TMEM65: variants seen among roughly 807,000 people sequenced by gnomAD.
The protein encoded by TMEM65 is transmembrane protein 65.
TMEM65 carries 22 observed loss-of-function variants against 25.4 expected under a neutral mutation model. The ratio of observed to expected loss-of-function variants is 0.86; its 90% CI spans 0.62 to 1.23. TMEM65 has a LOEUF of 1.23. Among genes scored for constraint, TMEM65 ranks in the 50% most tolerant of loss-of-function variants. TMEM65 has a pLI of 0.00. For missense variants in TMEM65, 262 were observed against 308.2 expected, an observed-to-expected ratio of 0.85 and a Z score of 1.12; for synonymous variants, 132 against 126.2, an observed-to-expected ratio of 1.05 and a Z score of -0.31.
Position 124,320,210 on chromosome 8 carries a change from A to G in TMEM65, c.516-19T>C. The G allele has an allele frequency of 6.4e-7, 1 of 1,565,380 alleles. No homozygotes were observed. Among genetic ancestry groups the G allele is most frequent in the Non-Finnish European group, 8.8e-7 (1 of 1,137,774 alleles). ...TGCAAGTCTTTGAAGAAACAAGACA[A>G]TATGATATATAGGTTATGTTTCAAT... On this transcript the variant is annotated intron_variant, in intron 5 of 6. Coordinates refer to ENST00000297632, the MANE Select transcript of TMEM65 (RefSeq NM_194291.3).
At chr8:124,333,455 CTG>C (rs1276237470) in intron 1 of TMEM65, among the ~76,000 whole-genome samples, 24 of 124,834 alleles carry the variant, frequency 1.9e-4, no homozygotes, top group African/African-American at 4.8e-4. Context: ...TTCTTTCCAT[CTG>C]TGTGTGTGTG....
chr8:124,315,305 T>C (rs1814219849), intron 6 of TMEM65, among the ~76,000 whole-genome samples: 1 of 128,644 alleles, frequency 7.8e-6, no homozygotes, highest in African/African-American at 2.9e-5. Context: ...TTAGCTATCA[T>C]ATCCTACAGT....
chr8:124,359,704 T>C (rs1027444691), intron 1 of TMEM65, among the ~76,000 whole-genome samples: 5 of 151,312 alleles, frequency 3.3e-5, no homozygotes, highest in Non-Finnish European at 7.4e-5. Context: ...ATCACACCAC[T>C]GCACTACAGT....
chr8:124,329,296 A>T (rs1814404081), intron 2 of TMEM65, among the ~76,000 whole-genome samples: 1 of 152,040 alleles, frequency 6.6e-6, no homozygotes, highest in Non-Finnish European at 1.5e-5. Context: ...GAACCAATAC[A>T]CATTACAAAT....
At chr8:124,366,724 A>ACTTT (rs78870933) in intron 1 of TMEM65, among the ~76,000 whole-genome samples, 96 of 34,762 alleles carry the variant, frequency 2.8e-3, no homozygotes, top group East Asian at 0.02. Context: ...GAAAAAAAAA[A>ACTTT]ACTTTACTTG....
intron 1 of TMEM65, among the ~76,000 whole-genome samples, chr8:124,344,344 A>AT (rs975666963): frequency 6.6e-6 from 1 of 152,116 alleles, no homozygotes; most frequent in African/African-American, 2.4e-5. Flanking sequence ...TTTTATTTTT[A>AT]TTTTTTCTGG....
intron 1 of TMEM65, 47 bp from the exon 2 acceptor site, chr8:124,330,839 G>A (rs760480494): frequency 8.0e-6 from 12 of 1,498,880 alleles, no homozygotes; most frequent in African/African-American, 4.4e-5. Flanking sequence ...TTACTACAGC[G>A]TGATATTTTT....
chr8:124,318,380 T>TG (rs1814265369), intron 6 of TMEM65, among the ~76,000 whole-genome samples: 2 of 128,530 alleles, frequency 1.6e-5, no homozygotes, highest in African/African-American at 6.1e-5. Flanking sequence ...TTTTTTTTTT[T>TG]TTTTTTTTTT....
In TMEM65 at chr8:124,310,470, T is replaced by C. The variant is rs1037856657; in HGVS notation, c.*3490A>G. On this transcript the variant is annotated 3_prime_UTR_variant, in exon 7 of 7. Coordinates refer to ENST00000297632, the MANE Select transcript of TMEM65 (RefSeq NM_194291.3). Reference sequence around the variant, plus strand: ...GCAGTTAAGAAGACAGGCTTCATACTTGGACAAAATAGGATTCCAGTCCAC... The same window carrying C: ...GCAGTTAAGAAGACAGGCTTCATACCTGGACAAAATAGGATTCCAGTCCAC... 1.3e-5 allele frequency: 2 copies of C among 152,174 alleles called. No individual in the cohort carries two copies. The highest frequency in any genetic ancestry group is 4.8e-5 in the African/African-American group (2 of 41,444). The allele number at this position is 152,174 out of a possible 1,614,324, so 9.4% of individuals were successfully genotyped here. A position where few individuals can be genotyped will look rare whatever the true frequency, so the allele number is the denominator to read the frequency against.
chr8:124,332,104 C>T (rs1036289959), intron 1 of TMEM65, among the ~76,000 whole-genome samples: 1 of 151,992 alleles, frequency 6.6e-6, no homozygotes, highest in African/African-American at 2.4e-5. Context: ...AATTTCACAT[C>T]TGATTAAAAT....
chr8:124,323,433 T>A, intron 3 of TMEM65, 58 bp from the exon 4 acceptor site: 1 of 942,106 alleles, frequency 1.1e-6, no homozygotes, highest in Middle Eastern at 2.2e-4. Flanking sequence ...TATAAAAGAA[T>A]AGCAAAGCAT....
chr8:124,350,119 AGTGTGTGTGTGT>A (rs71866914), intron 1 of TMEM65, among the ~76,000 whole-genome samples: 102 of 148,232 alleles, frequency 6.9e-4, no homozygotes, highest in African/African-American at 1.7e-3. Flanking sequence ...CTAATACATC[AGTGTGTGTGTGT>A]GTGTGTGTGT....
chr8:124,370,717 A>G (rs1267775694), intron 1 of TMEM65, among the ~76,000 whole-genome samples: 1 of 152,366 alleles, frequency 6.6e-6, no homozygotes, highest in South Asian at 2.1e-4. Flanking sequence ...CATGAGGTAG[A>G]TAATTCTTTC....
At position 124,372,267 on chromosome 8, in the gene TMEM65, C is replaced by T; in HGVS notation, c.-110G>A. 9.4e-7 allele frequency: 1 copy of T among 1,065,238 alleles called. No individual in the cohort carries two copies. Among genetic ancestry groups the T allele is most frequent in the Non-Finnish European group, 1.2e-6 (1 of 864,726 alleles). The allele number at this position is 1,065,238 out of a possible 1,614,324, so 66.0% of individuals were successfully genotyped here. ...TCGACCCCGCCCCGAGGTCCTCCTG[C>T]CAGGCAGCCGAGGCGCCGGGCACCA... On this transcript the variant is annotated 5_prime_UTR_variant, in exon 1 of 7. It introduces an in-frame stop codon into an upstream open reading frame of the 5' UTR. Transcript: ENST00000297632.
At chr8:124,316,509 A>G (rs1231059559) in intron 6 of TMEM65, among the ~76,000 whole-genome samples, 1 of 152,158 alleles carries the variant, frequency 6.6e-6, no homozygotes, top group African/African-American at 2.4e-5. Context: ...ACAGAGTAGA[A>G]GATTTGATTC....
intron 1 of TMEM65, among the ~76,000 whole-genome samples, chr8:124,360,032 A>C (rs1192405589): frequency 6.6e-6 from 1 of 152,204 alleles, no homozygotes; most frequent in African/African-American, 2.4e-5. Flanking sequence ...ACAGTAGCTA[A>C]GTTAAAAAGA....
Position 124,327,362 on chromosome 8 carries a change from T to C in TMEM65, c.409A>G (p.Ile137Val), listed in dbSNP as rs1224812650. 6.2e-7 allele frequency: 1 copy of C among 1,601,908 alleles called. No individual in the cohort carries two copies. The highest frequency in any genetic ancestry group is 8.5e-7 in the Non-Finnish European group (1 of 1,173,698). ...TGAGAGAAAGAACTTACAGCAACAA[T>C]CATAATTGCATTATCCAAAAAGCCA... ...GFGFLDNAIM[I>V]VAGTHIEMSI... Residue 137 changes from isoleucine to valine, a missense_variant, in exon 3 of 7, where the codon ATT becomes GTT. Coordinates refer to ENST00000297632, the MANE Select transcript of TMEM65 (RefSeq NM_194291.3).
intron 1 of TMEM65, among the ~76,000 whole-genome samples, chr8:124,338,236 A>G (rs1814536064): frequency 6.6e-6 from 1 of 152,066 alleles, no homozygotes; most frequent in South Asian, 2.1e-4. Flanking sequence ...ATTTAATGAT[A>G]TAGTCATTTC....
At chr8:124,330,349 C>G (rs1256399364) in intron 2 of TMEM65, among the ~76,000 whole-genome samples, 2 of 151,862 alleles carry the variant, frequency 1.3e-5, no homozygotes, top group East Asian at 3.8e-4. Flanking sequence ...TTCTTACAAA[C>G]AGCCAGCCGG....
Sources: gnomAD v4.1 joint callset for allele counts (sites outside exome capture counted in the v4.1 genomes callset) on GRCh38, gnomAD v4.1.1 for gene constraint, MANE v1.5 for transcripts, NCBI Gene and HGNC (gene_info 2026-07-23, HGNC 2026-07-21) for gene names.